Variants in LARP4 observed in about 807,000 individuals in gnomAD.
LARP4 encodes la-related protein 4.
Under a neutral mutation model 92.9 loss-of-function variants are expected in LARP4, and 29 were observed. The ratio of observed to expected loss-of-function variants is 0.31; its 90% CI spans 0.23 to 0.43. The LOEUF (loss-of-function observed/expected upper bound fraction) is 0.43, where lower values mean the gene tolerates loss of function less well. LARP4 is among the 20% of genes least tolerant of loss of function. The pLI is 1.00. For missense variants in LARP4, 732 were observed against 860.0 expected, an observed-to-expected ratio of 0.85 and a Z score of 1.86; for synonymous variants, 279 against 284.1, an observed-to-expected ratio of 0.98 and a Z score of 0.18.
At position 50,440,528 on chromosome 12, in the gene LARP4, G is replaced by A; in HGVS notation, c.729G>A (p.Gln243=). ...AHNSNWYITF[Q]SDTDAQQAFK... is the part of the protein sequence containing the mutation. The stretch of plus-strand genomic sequence containing the variant: ...ATAGCAACTGGTATATCACTTTCCA[G>A]TCAGACACAGATGCACAACAGGTAA... The change falls in exon 7 of 16, where the codon CAG becomes CAA. Residue 243 remains glutamine (Q), a synonymous_variant. Coordinates refer to ENST00000398473, the MANE Select transcript of LARP4 (RefSeq NM_052879.5). 1.9e-6 allele frequency: 3 copies of A among 1,612,236 alleles called. No homozygotes were observed. The highest frequency in any genetic ancestry group is 2.5e-6 in the Non-Finnish European group (3 of 1,178,312).
chr12:50,424,697 G>C (rs1303249216), intron 1 of LARP4, among the ~76,000 whole-genome samples: 1 of 151,986 alleles, frequency 6.6e-6, no homozygotes, highest in Non-Finnish European at 1.5e-5. Flanking sequence ...AAATAAGAAT[G>C]TTTTACCCCA....
chr12:50,468,825 A>G (rs1240063527), intron 13 of LARP4, among the ~76,000 whole-genome samples: 1 of 152,142 alleles, frequency 6.6e-6, no homozygotes, highest in Non-Finnish European at 1.5e-5. Flanking sequence ...GCTAGGACAC[A>G]CCATCCTTTG....
chr12:50,403,483 G>A (rs1161569361), intron 1 of LARP4, among the ~76,000 whole-genome samples: 1 of 152,120 alleles, frequency 6.6e-6, no homozygotes, highest in African/African-American at 2.4e-5. Context: ...TGCTATATTA[G>A]ACATTTTAAA....
intron 1 of LARP4, among the ~76,000 whole-genome samples, chr12:50,422,781 A>ATATTAT (rs145036648): frequency 0.016 from 2,164 of 138,578 alleles, 19 homozygotes; most frequent in Middle Eastern, 0.026. Flanking sequence ...TTGGGAAATT[A>ATATTAT]TATTATTATT....
In LARP4 at chr12:50,457,640, C is replaced by T. The variant is rs143133039; in HGVS notation, c.1121+3223C>T. Among the ~76,000 whole-genome samples, 639 of 152,082 alleles carry T rather than the reference C, an allele frequency of 4.2e-3. 8 individuals are homozygous for T. Among genetic ancestry groups the T allele is most frequent in the Non-Finnish European group, 4.2e-3 (287 of 68,012 alleles). On this transcript the variant is annotated intron_variant, in intron 10 of 15. Coordinates refer to ENST00000398473, the MANE Select transcript of LARP4 (RefSeq NM_052879.5). ...ACCAACCTAGGCAACAGAGTGAAACCTCGTCTCTACTGACAATATAAAAAT... is the reference window on the plus strand; with the variant it reads ...ACCAACCTAGGCAACAGAGTGAAACTTCGTCTCTACTGACAATATAAAAAT...
chr12:50,456,987 AC>A (rs1954380309), intron 10 of LARP4, among the ~76,000 whole-genome samples: 2 of 152,134 alleles, frequency 1.3e-5, no homozygotes, highest in South Asian at 4.1e-4. Context: ...GTCTCTGCTT[AC>A]TGCAACCTCT....
chr12:50,448,898 C>G (rs1354103682), intron 8 of LARP4, among the ~76,000 whole-genome samples: 1 of 152,210 alleles, frequency 6.6e-6, no homozygotes, highest in Non-Finnish European at 1.5e-5. Flanking sequence ...TGAACATTAT[C>G]AAGTACCTAG....
At chr12:50,428,385 C>CA (rs1565994558) in intron 2 of LARP4, among the ~76,000 whole-genome samples, 1 of 152,134 alleles carries the variant, frequency 6.6e-6, no homozygotes, top group Non-Finnish European at 1.5e-5. Context: ...TTCCTTTAAA[C>CA]ATACTGCATC....
At chr12:50,453,073 GC>G (rs1953541263) in intron 8 of LARP4, among the ~76,000 whole-genome samples, 1 of 147,874 alleles carries the variant, frequency 6.8e-6, no homozygotes, top group African/African-American at 2.5e-5. Context: ...ACCATGCCCA[GC>G]TTTTTTTTTT....
Position 50,400,974 on chromosome 12 carries a change from G to A in LARP4, c.-37G>A. On this transcript the variant is annotated 5_prime_UTR_variant, in exon 1 of 16. Transcript: ENST00000398473. Reference sequence around the variant, plus strand: ...GCGGGCCTGTGAGCCAGTTGGAGTTGCGGCGGCGGGAACGATTGGGCTGAG... The same window carrying A: ...GCGGGCCTGTGAGCCAGTTGGAGTTACGGCGGCGGGAACGATTGGGCTGAG... 6.2e-7 allele frequency: 1 copy of A among 1,614,144 alleles called. No individual in the cohort carries two copies. Among genetic ancestry groups the A allele is most frequent in the Non-Finnish European group, 8.5e-7 (1 of 1,180,008 alleles).
chr12:50,467,774 A>T (rs111581507), intron 13 of LARP4, among the ~76,000 whole-genome samples: 1 of 152,210 alleles, frequency 6.6e-6, no homozygotes, highest in Non-Finnish European at 1.5e-5. Flanking sequence ...TCATCTTATG[A>T]TTATTTGGTG....
At chr12:50,411,384 C>G (rs561629848) in intron 1 of LARP4, among the ~76,000 whole-genome samples, 5 of 152,176 alleles carry the variant, frequency 3.3e-5, no homozygotes, top group Admixed American at 6.5e-5. Flanking sequence ...GATTTTTGCT[C>G]TGTTGCCTAG....
At chr12:50,411,130 A>C (rs1259283540) in intron 1 of LARP4, among the ~76,000 whole-genome samples, 1 of 151,860 alleles carries the variant, frequency 6.6e-6, no homozygotes, top group Non-Finnish European at 1.5e-5. Flanking sequence ...TTACAGTAGA[A>C]ACTCTACCCC....
chr12:50,430,973 T>G (rs1474273155), intron 4 of LARP4, among the ~76,000 whole-genome samples: 1 of 152,142 alleles, frequency 6.6e-6, no homozygotes, highest in Non-Finnish European at 1.5e-5. Flanking sequence ...CTTGTCTAGA[T>G]TTAAAAGTGT....
chr12:50,429,131 C>T (rs774193342), intron 3 of LARP4, 41 bp downstream of exon 3: 1 of 1,430,232 alleles, frequency 7.0e-7, no homozygotes, highest in Admixed American at 1.8e-5. Context: ...GAATTCAGTA[C>T]AGGACACCCC....
At chr12:50,442,516 C>G (rs1951378655) in intron 8 of LARP4, among the ~76,000 whole-genome samples, 1 of 152,142 alleles carries the variant, frequency 6.6e-6, no homozygotes, top group African/African-American at 2.4e-5. Context: ...ACATTGCTAC[C>G]AGAGCTAGTG....
chr12:50,403,544 A>G (rs994304269), intron 1 of LARP4, among the ~76,000 whole-genome samples: 1 of 152,252 alleles, frequency 6.6e-6, no homozygotes, highest in Non-Finnish European at 1.5e-5. Flanking sequence ...GTGATCCTAT[A>G]TATTTTAGAA....
intron 5 of LARP4, among the ~76,000 whole-genome samples, chr12:50,436,416 T>TA (rs1473358852): frequency 6.6e-6 from 1 of 152,102 alleles, no homozygotes; most frequent in Admixed American, 6.6e-5. Flanking sequence ...GAGTGTTAGA[T>TA]ATGTATCGTT....
chr12:50,430,356 C>A, intron 3 of LARP4, 139 bp from the exon 4 acceptor site: 1 of 568,208 alleles, frequency 1.8e-6, no homozygotes, highest in Non-Finnish European at 3.2e-6. Context: ...AAAGGGAGAC[C>A]CTGTTTCTCT....
Sources: allele counts gnomAD v4.1 joint callset (sites outside exome capture counted in the v4.1 genomes callset), GRCh38; gene constraint gnomAD v4.1.1; transcripts MANE v1.5; gene names NCBI Gene and HGNC (gene_info 2026-07-23, HGNC 2026-07-21).